VWA8: variants seen among roughly 807,000 people sequenced by gnomAD.
The protein encoded by VWA8 is von Willebrand factor A domain containing 8.
In VWA8, 221 loss-of-function variants were observed where a neutral mutation model predicts 241.5. The observed-to-expected ratio is 0.91, with a 90% CI of 0.82 to 1.02. The LOEUF (loss-of-function observed/expected upper bound fraction) is 1.02, where lower values mean the gene tolerates loss of function less well. Among genes scored for constraint, VWA8 ranks in the 50% least tolerant of loss-of-function variants. VWA8 has a pLI of 0.00. For synonymous variants in VWA8, 852 were observed against 827.1 expected, an observed-to-expected ratio of 1.03 and a Z score of -0.52; for missense variants, 2,322 against 2,328.7, an observed-to-expected ratio of 1.00 and a Z score of 0.06.
chr13:41,625,862 G>A (rs1277358639), intron 37 of VWA8, among the ~76,000 whole-genome samples: 1 of 151,834 alleles, frequency 6.6e-6, no homozygotes, highest in Admixed American at 6.5e-5. Context: ...ACTGGATTAA[G>A]AAAATGTGGC....
chr13:41,910,871 T>C (rs750121523), intron 3 of VWA8, among the ~76,000 whole-genome samples: 1 of 152,074 alleles, frequency 6.6e-6, no homozygotes, highest in African/African-American at 2.4e-5. Flanking sequence ...GTGTACAAGG[T>C]AGATTTCAAT....
intron 16 of VWA8, among the ~76,000 whole-genome samples, chr13:41,813,361 T>G (rs1870552116): frequency 6.6e-6 from 1 of 152,014 alleles, no homozygotes; most frequent in Non-Finnish European, 1.5e-5. Flanking sequence ...ACAACAAACT[T>G]GGCAACTGAC....
intron 37 of VWA8, among the ~76,000 whole-genome samples, chr13:41,632,827 G>A (rs1000328729): frequency 7.9e-5 from 12 of 152,078 alleles, no homozygotes; most frequent in East Asian, 7.7e-4. Context: ...CCAGCAGGCC[G>A]GGCACTATCA....
At chr13:41,893,708 A>G (rs1360160697) in intron 4 of VWA8, among the ~76,000 whole-genome samples, 2 of 152,066 alleles carry the variant, frequency 1.3e-5, no homozygotes, top group African/African-American at 4.8e-5. Context: ...ATATTGTGAA[A>G]CCCCGTCTCT....
At chr13:41,788,965 C>T (rs935525746) in intron 17 of VWA8, among the ~76,000 whole-genome samples, 2 of 152,142 alleles carry the variant, frequency 1.3e-5, no homozygotes, top group Admixed American at 6.6e-5. Context: ...AAATATGGCA[C>T]GGATGCCTTC....
Position 41,804,240 on chromosome 13 carries a change from T to C in VWA8, c.2063+6985A>G, listed in dbSNP as rs141830655. On this transcript the variant is annotated intron_variant, in intron 17 of 44. Coordinates refer to ENST00000379310, the MANE Select transcript of VWA8 (RefSeq NM_015058.2). Reference sequence around the variant, plus strand: ...ACTCAAAAAAGACAACCTCAAGATATCTGAGGTACCTAAAAGCAGGAAGAG... The same window carrying C: ...ACTCAAAAAAGACAACCTCAAGATACCTGAGGTACCTAAAAGCAGGAAGAG... Among the ~76,000 whole-genome samples, 14 of 152,040 alleles carry C rather than the reference T, an allele frequency of 9.2e-5. No individual in the cohort carries two copies. In the East Asian group the frequency reaches 2.3e-3, roughly 25 times the overall value.
chr13:41,596,198 T>TA (rs1349535640), intron 40 of VWA8, among the ~76,000 whole-genome samples: 1 of 152,172 alleles, frequency 6.6e-6, no homozygotes, highest in East Asian at 1.9e-4. Flanking sequence ...GACATTTTTA[T>TA]AATAGTAGCA....
intron 37 of VWA8, among the ~76,000 whole-genome samples, chr13:41,664,986 T>C (rs1284124558): frequency 6.6e-6 from 1 of 152,190 alleles, no homozygotes; most frequent in Non-Finnish European, 1.5e-5. Flanking sequence ...CCTGCTTTTC[T>C]TCAAGCTGAC....
intron 20 of VWA8, among the ~76,000 whole-genome samples, chr13:41,762,912 G>A (rs577934253): frequency 6.6e-6 from 1 of 152,156 alleles, no homozygotes; most frequent in African/African-American, 2.4e-5. Flanking sequence ...GAAAAGGAGT[G>A]AGGATTCTGG....
chr13:41,653,187 T>C (rs1017257634), intron 37 of VWA8, among the ~76,000 whole-genome samples: 1 of 152,204 alleles, frequency 6.6e-6, no homozygotes, highest in Non-Finnish European at 1.5e-5. Flanking sequence ...GATGTTTTCC[T>C]TAGGGCTTGT....
intron 40 of VWA8, among the ~76,000 whole-genome samples, chr13:41,604,196 A>C (rs7995811): frequency 0.47 from 71,706 of 152,006 alleles, 17,828 homozygotes; most frequent in South Asian, 0.66. Context: ...ATGTCCAGGG[A>C]AAGGAACACT....
At chr13:41,648,861 C>G (rs1027266624) in intron 37 of VWA8, among the ~76,000 whole-genome samples, 2 of 152,198 alleles carry the variant, frequency 1.3e-5, no homozygotes, top group African/African-American at 4.8e-5. Flanking sequence ...AAATATTAGG[C>G]TAATGGTTTC....
intron 2 of VWA8, among the ~76,000 whole-genome samples, chr13:41,931,371 C>T (rs9525554): frequency 0.82 from 118,461 of 144,960 alleles, 49,006 homozygotes; most frequent in East Asian, 1. Flanking sequence ...GAGTAAAAAA[C>T]ACAGAGATAC....
At chr13:41,817,714 G>T (rs1028286372) in intron 15 of VWA8, among the ~76,000 whole-genome samples, 2 of 152,140 alleles carry the variant, frequency 1.3e-5, no homozygotes, top group African/African-American at 4.8e-5. Flanking sequence ...CACATTGAGA[G>T]CCAAGTCATT....
At chr13:41,856,638 T>C (rs1295958145) in intron 12 of VWA8, among the ~76,000 whole-genome samples, 1 of 152,026 alleles carries the variant, frequency 6.6e-6, no homozygotes, top group Non-Finnish European at 1.5e-5. Context: ...CTGAGCAACA[T>C]GGCAAAACCC....
intron 15 of VWA8, among the ~76,000 whole-genome samples, chr13:41,817,350 T>C (rs1386434067): frequency 1.3e-5 from 2 of 152,134 alleles, no homozygotes; most frequent in Non-Finnish European, 2.9e-5. Flanking sequence ...AAATAACACA[T>C]ATCGATTGCT....
intron 14 of VWA8, among the ~76,000 whole-genome samples, chr13:41,820,032 G>A (rs891470639): frequency 6.6e-6 from 1 of 152,168 alleles, no homozygotes; most frequent in African/African-American, 2.4e-5. Context: ...AACTGAGGAA[G>A]CATGTAAATT....
In VWA8 at chr13:41,930,227, T is replaced by C. The variant is rs180871273; in HGVS notation, c.242-18059A>G. 1.7e-3 allele frequency among the ~76,000 whole-genome samples: 256 copies of C among 152,182 alleles called. 2 individuals are homozygous for C. The highest frequency in any genetic ancestry group is 5.7e-3 in the African/African-American group (235 of 41,524). On this transcript the variant is annotated intron_variant, in intron 2 of 44. Transcript: ENST00000379310. ...CGGCTATTATCAAAAAATCAAAAGA[T>C]AAATGTCGGCAAGGGTGTGGAGAAA...
chr13:41,845,705 C>T lies in VWA8; in HGVS notation c.1426-12174G>A, dbSNP rs117588234. Among the ~76,000 whole-genome samples, 244 of 152,260 alleles carry T rather than the reference C, an allele frequency of 1.6e-3. 2 individuals are homozygous for T. The East Asian group carries it at 0.04, about 25-fold the overall frequency. On this transcript the variant is annotated intron_variant, in intron 12 of 44. Transcript: ENST00000379310. ...CTGGAAGACATTATAAGCAAACTAA[C>T]GTAGAAACAGAAAACCAGATACCAC...
Sources: allele counts gnomAD v4.1 joint callset (sites outside exome capture counted in the v4.1 genomes callset), GRCh38; gene constraint gnomAD v4.1.1; transcripts MANE v1.5; gene names NCBI Gene and HGNC (gene_info 2026-07-23, HGNC 2026-07-21).